SUGCT: variants seen among roughly 807,000 people sequenced by gnomAD.
SUGCT encodes succinyl-CoA:glutarate CoA-transferase.
SUGCT carries 41 observed loss-of-function variants against 55.0 expected under a neutral mutation model. The observed-to-expected ratio is 0.74, with a 90% confidence interval of 0.58 to 0.97. The LOEUF (loss-of-function observed/expected upper bound fraction) is 0.97. SUGCT is among the 50% of genes least tolerant of loss of function. SUGCT has a pLI of 0.00. For missense variants in SUGCT, 568 were observed against 547.8 expected, an observed-to-expected ratio of 1.04 and a Z score of -0.37; for synonymous variants, 187 against 200.4, an observed-to-expected ratio of 0.93 and a Z score of 0.56.
intron 3 of SUGCT, among the ~76,000 whole-genome samples, chr7:40,182,628 C>T (rs1200037528): frequency 1.3e-5 from 2 of 151,852 alleles, no homozygotes; most frequent in African/African-American, 4.8e-5. Flanking sequence ...GATAATGACA[C>T]CTACAGTGCC....
chr7:40,650,377 A>G (rs896643368), intron 12 of SUGCT, among the ~76,000 whole-genome samples: 3 of 152,290 alleles, frequency 2.0e-5, no homozygotes, highest in South Asian at 2.1e-4. Context: ...ATTGGAGGCC[A>G]TCTTAGAGGC....
intron 9 of SUGCT, among the ~76,000 whole-genome samples, chr7:40,362,801 A>G (rs1798220125): frequency 6.6e-6 from 1 of 152,180 alleles, no homozygotes; most frequent in Admixed American, 6.5e-5. Context: ...CTATGATCTA[A>G]TTTTGGAAAA....
chr7:40,229,392 G>A (rs1237114412), intron 6 of SUGCT, among the ~76,000 whole-genome samples: 3 of 151,616 alleles, frequency 2.0e-5, no homozygotes, highest in Admixed American at 6.6e-5. Flanking sequence ...GGTGGCATGC[G>A]CCTATAGTCC....
intron 7 of SUGCT, among the ~76,000 whole-genome samples, chr7:40,255,156 G>A (rs967636928): frequency 6.6e-6 from 1 of 150,646 alleles, no homozygotes; most frequent in South Asian, 2.1e-4. Context: ...GAACCCGGGA[G>A]GCAGAGGTTG....
chr7:40,886,900 A>G, the SUGCT span, among the ~76,000 whole-genome samples: 3 of 152,226 alleles, frequency 2.0e-5, no homozygotes. Flanking sequence ...AGGGAAAATA[A>G]CCACTTCAGG....
At chr7:40,228,112 C>T (rs951742871) in intron 6 of SUGCT, among the ~76,000 whole-genome samples, 5 of 152,016 alleles carry the variant, frequency 3.3e-5, no homozygotes, top group Admixed American at 6.6e-5. Context: ...GAAGTCCTGA[C>T]CTCAAGTGAT....
chr7:40,932,601 G>A, the SUGCT span, among the ~76,000 whole-genome samples: 1 of 152,018 alleles, frequency 6.6e-6, no homozygotes, highest in Admixed American at 6.5e-5. Flanking sequence ...TATGAATCTG[G>A]GTGCTCCTAT....
intron 6 of SUGCT, among the ~76,000 whole-genome samples, chr7:40,213,957 G>A (rs777797891): frequency 6.6e-6 from 1 of 151,892 alleles, no homozygotes; most frequent in Non-Finnish European, 1.5e-5. Context: ...TGCTTGTTTT[G>A]ATAAATTATC....
At chr7:40,881,932 C>A in the SUGCT span, among the ~76,000 whole-genome samples, 1 of 152,194 alleles carries the variant, frequency 6.6e-6, no homozygotes, top group Middle Eastern at 3.2e-3. Flanking sequence ...AAAACCATCA[C>A]GAAGAGGGTC....
rs745766266 is a variant in SUGCT, at chr7:40,487,078, CTTTTTTTTTTTT to C, written c.987-9194_987-9183del. 1.4e-4 allele frequency among the ~76,000 whole-genome samples: 13 copies of C among 93,902 alleles called. 1 individual carries two copies. Among genetic ancestry groups the C allele is most frequent in the Admixed American group, 8.9e-4 (7 of 7,874 alleles). 61.6% of individuals were successfully genotyped at this position (93,902 alleles called of 152,430 possible). On this transcript the variant is annotated intron_variant, in intron 11 of 13. Transcript: ENST00000335693. The stretch of plus-strand genomic sequence containing the variant: ...AAAAGATAGTTCATATGATTTCAAT[CTTTTTTTTTTTT>C]TTTTTTTTTTTGACACAGAGTTTCA...
intron 10 of SUGCT, among the ~76,000 whole-genome samples, chr7:40,453,279 C>G (rs181443414): frequency 1.3e-5 from 2 of 152,322 alleles, no homozygotes; most frequent in Admixed American, 6.5e-5. Context: ...AGTGAATCTC[C>G]TTTCCTTTTC....
At chr7:40,517,319 C>G (rs903653714) in intron 12 of SUGCT, among the ~76,000 whole-genome samples, 2 of 148,974 alleles carry the variant, frequency 1.3e-5, no homozygotes, top group African/African-American at 4.9e-5. Flanking sequence ...CTTTTCTTGT[C>G]TTTTTCTTTT....
At chr7:40,958,789 T>C in the SUGCT span, among the ~76,000 whole-genome samples, 1 of 152,160 alleles carries the variant, frequency 6.6e-6, no homozygotes, top group Non-Finnish European at 1.5e-5. Context: ...TTTTTCCTCA[T>C]CTTCATGGAT....
intron 7 of SUGCT, among the ~76,000 whole-genome samples, chr7:40,255,587 G>T (rs1397713171): frequency 6.7e-6 from 1 of 149,646 alleles, no homozygotes; most frequent in Non-Finnish European, 1.5e-5. Flanking sequence ...CTTGAACCCG[G>T]GAGAGGGCGG....
the SUGCT span, among the ~76,000 whole-genome samples, chr7:40,947,870 C>T: frequency 6.6e-6 from 1 of 152,146 alleles, no homozygotes; most frequent in African/African-American, 2.4e-5. Context: ...TTTCCTTAAC[C>T]TTCACTTATT....
At chr7:41,008,296 T>G in the SUGCT span, among the ~76,000 whole-genome samples, 1 of 152,038 alleles carries the variant, frequency 6.6e-6, no homozygotes, top group Non-Finnish European at 1.5e-5. Flanking sequence ...CCCACGCTCC[T>G]GAACGCAGCC....
At chr7:40,385,413 G>T (rs1427525465) in intron 9 of SUGCT, among the ~76,000 whole-genome samples, 2 of 152,144 alleles carry the variant, frequency 1.3e-5, no homozygotes, top group East Asian at 3.9e-4. Context: ...TAAGATTTAA[G>T]TGAGATGAGT....
At chr7:40,928,521 T>C in the SUGCT span, among the ~76,000 whole-genome samples, 1 of 152,168 alleles carries the variant, frequency 6.6e-6, no homozygotes, top group African/African-American at 2.4e-5. Flanking sequence ...TATTTGCAAT[T>C]GCTTTGTTCT....
intron 12 of SUGCT, among the ~76,000 whole-genome samples, chr7:40,709,919 C>T (rs1156397017): frequency 6.6e-6 from 1 of 152,164 alleles, no homozygotes; most frequent in African/African-American, 2.4e-5. Flanking sequence ...TGCTGCTAGT[C>T]AGGGGTTAGG....
Sources: gnomAD v4.1 joint callset for allele counts (sites outside exome capture counted in the v4.1 genomes callset) on GRCh38, gnomAD v4.1.1 for gene constraint, MANE v1.5 for transcripts, NCBI Gene and HGNC (gene_info 2026-07-23, HGNC 2026-07-21) for gene names.